Variants in ANKS1B observed in about 807,000 individuals in gnomAD.
ANKS1B encodes the protein ankyrin repeat and sterile alpha motif domain containing 1B, also known as ankyrin repeat and sterile alpha motif domain-containing protein 1B.
A neutral mutation model predicts 148.3 loss-of-function variants in ANKS1B; 36 were observed. The observed-to-expected ratio is 0.24, with a 90% CI of 0.19 to 0.32. The LOEUF (loss-of-function observed/expected upper bound fraction) is 0.32. Ranked by LOEUF, ANKS1B falls within the 10% of genes least tolerant of loss-of-function variation. The pLI is 1.00. For synonymous variants in ANKS1B, 542 were observed against 560.8 expected (o/e 0.97, Z 0.47); for missense variants, 1,157 against 1,542.6 (o/e 0.75, Z 4.19).
chr12:99,301,977 G>A (rs891127578), intron 12 of ANKS1B, among the ~76,000 whole-genome samples: 1 of 152,094 alleles, frequency 6.6e-6, no homozygotes, highest in Non-Finnish European at 1.5e-5. Context: ...GGAAGGCCAA[G>A]CAATTCTAGG....
In ANKS1B at chr12:99,395,775, T is replaced by C. The variant is rs565439753; in HGVS notation, c.1756+3856A>G. ...CTACTTTTTAAATGGCCCTCTGTTA[T>C]AATAAATTCATTGGTTCACTTAAAA... On this transcript the variant is annotated intron_variant, in intron 12 of 26. Coordinates refer to ENST00000683438, the MANE Select transcript of ANKS1B (RefSeq NM_001352186.2). 3.3e-5 allele frequency among the ~76,000 whole-genome samples: 5 copies of C among 152,298 alleles called. No individual in the cohort carries two copies. In the South Asian group the frequency reaches 1.0e-3, roughly 32 times the overall value.
At chr12:99,627,869 A>G (rs1381776200) in intron 9 of ANKS1B, among the ~76,000 whole-genome samples, 1 of 152,176 alleles carries the variant, frequency 6.6e-6, no homozygotes, top group African/African-American at 2.4e-5. Flanking sequence ...AAGGAAATGG[A>G]CCTTAAAGTT....
intron 11 of ANKS1B, among the ~76,000 whole-genome samples, chr12:99,417,589 G>T (rs1051345146): frequency 6.6e-5 from 10 of 151,760 alleles, no homozygotes; most frequent in Non-Finnish European, 1.5e-4. Flanking sequence ...AAAAAGTGTT[G>T]CTGTGACTTT....
intron 16 of ANKS1B, among the ~76,000 whole-genome samples, chr12:99,059,934 A>G (rs2041844379): frequency 6.6e-6 from 1 of 152,008 alleles, no homozygotes; most frequent in African/African-American, 2.4e-5. Flanking sequence ...TCCAGCGGGA[A>G]CATCTGGCAA....
At chr12:99,433,775 G>A (rs2095416870) in intron 11 of ANKS1B, among the ~76,000 whole-genome samples, 1 of 152,118 alleles carries the variant, frequency 6.6e-6, no homozygotes, top group South Asian at 2.1e-4. Flanking sequence ...CTCTGGAACT[G>A]GATGAGAACA....
chr12:99,124,859 T>C (rs1424262317), intron 15 of ANKS1B, among the ~76,000 whole-genome samples: 2 of 152,178 alleles, frequency 1.3e-5, no homozygotes, highest in African/African-American at 4.8e-5. Context: ...ATGCTGATGA[T>C]AGGTCATATA....
At chr12:98,824,500 C>T (rs1364725203) in intron 19 of ANKS1B, among the ~76,000 whole-genome samples, 1 of 152,152 alleles carries the variant, frequency 6.6e-6, no homozygotes, top group Non-Finnish European at 1.5e-5. Context: ...CTATATAGTG[C>T]TTTACAGTTT....
At chr12:98,942,027 G>A (rs2099837598) in intron 17 of ANKS1B, among the ~76,000 whole-genome samples, 2 of 152,128 alleles carry the variant, frequency 1.3e-5, no homozygotes, top group South Asian at 4.1e-4. Context: ...TAGATTGCAA[G>A]GTCAAGAGTT....
chr12:99,756,759 C>T (rs993247624), intron 8 of ANKS1B, among the ~76,000 whole-genome samples: 3 of 151,872 alleles, frequency 2.0e-5, no homozygotes, highest in African/African-American at 7.2e-5. Context: ...ATAGAGAATT[C>T]AGAAATAAGA....
intron 1 of ANKS1B, among the ~76,000 whole-genome samples, chr12:99,870,328 T>C (rs796643748): frequency 7.2e-5 from 11 of 152,336 alleles, no homozygotes; most frequent in African/African-American, 2.6e-4. Context: ...ATTTTCTTTA[T>C]CCAATCCACC....
chr12:98,792,862 C>T (rs1231044179), intron 22 of ANKS1B, among the ~76,000 whole-genome samples: 2 of 152,106 alleles, frequency 1.3e-5, no homozygotes, highest in Non-Finnish European at 2.9e-5. Context: ...TGTTGATGGA[C>T]ACAATTTTAA....
At chr12:99,492,016 C>T (rs1394110786) in intron 10 of ANKS1B, among the ~76,000 whole-genome samples, 3 of 151,874 alleles carry the variant, frequency 2.0e-5, no homozygotes, top group African/African-American at 4.8e-5. Flanking sequence ...GAACCAAGGG[C>T]ACCCCCAAAG....
At chr12:98,740,832 A>G (rs1024201328), downstream of ANKS1B, among the ~76,000 whole-genome samples, 5 of 152,190 alleles carry the variant, frequency 3.3e-5, no homozygotes, top group Non-Finnish European at 7.4e-5. Flanking sequence ...GAAAGCTCTT[A>G]AAAGTCTGCC....
At chr12:99,886,290 T>C (rs113038100) in intron 1 of ANKS1B, among the ~76,000 whole-genome samples, 1 of 152,234 alleles carries the variant, frequency 6.6e-6, no homozygotes, top group Non-Finnish European at 1.5e-5. Context: ...TTTTATTTAA[T>C]GTCTGTCTCT....
At chr12:99,183,656 C>G (rs904525629) in intron 14 of ANKS1B, among the ~76,000 whole-genome samples, 10 of 152,028 alleles carry the variant, frequency 6.6e-5, no homozygotes, top group African/African-American at 2.2e-4. Flanking sequence ...AAAACAACAA[C>G]AATAACAACA....
intron 15 of ANKS1B, among the ~76,000 whole-genome samples, chr12:99,130,944 C>A (rs749109097): frequency 2.0e-5 from 3 of 152,194 alleles, no homozygotes; most frequent in Non-Finnish European, 4.4e-5. Flanking sequence ...GGTTCAAAGA[C>A]CACTTCTGTG....
chr12:98,972,417 G>A (rs1266318590), intron 17 of ANKS1B, among the ~76,000 whole-genome samples: 2 of 152,080 alleles, frequency 1.3e-5, no homozygotes, highest in Non-Finnish European at 2.9e-5. Flanking sequence ...TCAGTGTCAG[G>A]CCTATACATT....
At chr12:99,929,875 G>C (rs1160230683) in intron 1 of ANKS1B, among the ~76,000 whole-genome samples, 3 of 151,274 alleles carry the variant, frequency 2.0e-5, no homozygotes, top group Admixed American at 6.6e-5. Context: ...TTTGGTACCA[G>C]TACCATGCTG....
intron 9 of ANKS1B, among the ~76,000 whole-genome samples, chr12:99,602,974 A>G (rs2097817706): frequency 6.6e-6 from 1 of 152,064 alleles, no homozygotes; most frequent in Non-Finnish European, 1.5e-5. Flanking sequence ...AAGTAGACTG[A>G]TTTGTTTGCA....
Sources: allele counts gnomAD v4.1 joint callset (sites outside exome capture counted in the v4.1 genomes callset), GRCh38; gene constraint gnomAD v4.1.1; transcripts MANE v1.5; gene names NCBI Gene and HGNC (gene_info 2026-07-23, HGNC 2026-07-21).